Variants in STXBP5L observed in about 807,000 individuals in gnomAD.
The protein encoded by STXBP5L is syntaxin binding protein 5L.
A neutral mutation model predicts 144.5 loss-of-function variants in STXBP5L; 65 were observed. That is an observed-to-expected ratio of 0.45 (90% CI 0.37 to 0.55). STXBP5L has a LOEUF of 0.55. Ranked by LOEUF, STXBP5L falls within the 20% of genes least tolerant of loss-of-function variation. The probability of loss-of-function intolerance (pLI) is 0.00; values close to 1 mark genes in which losing one functional copy is unlikely to be tolerated. For synonymous variants in STXBP5L, 505 were observed against 469.6 expected, an observed-to-expected ratio of 1.08 and a Z score of -0.97; for missense variants, 1,298 against 1,405.5, an observed-to-expected ratio of 0.92 and a Z score of 1.22.
In STXBP5L at chr3:121,407,485, T is replaced by C. The variant is rs2047019504; in HGVS notation, c.2830T>C (p.Cys944Arg). The change falls in exon 23 of 27, where the codon TGC (cysteine) becomes CGC (arginine). Residue 944 changes from cysteine (C) to arginine (R), a missense_variant. Physicochemically the swap from Cys to Arg is radical, Grantham distance 180 (BLOSUM62 -3). Coordinates refer to ENST00000471454, the MANE Select transcript of STXBP5L (RefSeq NM_001308330.2). ...AKVFSLPSQT[C>R]LYVHNITETS... ...AGTCTTCTCACTGCCTTCTCAGACTTGCCTTTATGTTCATAACATCACGGA... is the reference window on the plus strand; with the variant it reads ...AGTCTTCTCACTGCCTTCTCAGACTCGCCTTTATGTTCATAACATCACGGA... The C allele has an allele frequency of 2.5e-6, 4 of 1,613,392 alleles. No individual in the cohort carries two copies. The highest frequency in any genetic ancestry group is 3.4e-6 in the Non-Finnish European group (4 of 1,179,532).
chr3:121,271,496 A>G (rs2050733032), intron 18 of STXBP5L, among the ~76,000 whole-genome samples: 1 of 152,216 alleles, frequency 6.6e-6, no homozygotes, highest in Non-Finnish European at 1.5e-5. Flanking sequence ...TCTGGGCACA[A>G]TAGATGCTCA....
At chr3:121,016,057 A>G (rs1945124161) in intron 3 of STXBP5L, among the ~76,000 whole-genome samples, 1 of 152,232 alleles carries the variant, frequency 6.6e-6, no homozygotes, top group African/African-American at 2.4e-5. Flanking sequence ...AAACGAAGAC[A>G]CTAGAGAAAT....
At chr3:121,343,105 G>A (rs1270660409) in intron 20 of STXBP5L, among the ~76,000 whole-genome samples, 1 of 152,166 alleles carries the variant, frequency 6.6e-6, no homozygotes, top group African/African-American at 2.4e-5. Context: ...CAGTGATGGT[G>A]AGCATTTTTT....
intron 9 of STXBP5L, among the ~76,000 whole-genome samples, chr3:121,201,598 TCA>T (rs551815961): frequency 6.6e-6 from 1 of 152,142 alleles, no homozygotes; most frequent in Non-Finnish European, 1.5e-5. Context: ...TGCAGTTTCT[TCA>T]CAGTGTCATT....
At chr3:121,372,297 A>T (rs1438553685) in intron 20 of STXBP5L, among the ~76,000 whole-genome samples, 8 of 152,148 alleles carry the variant, frequency 5.3e-5, no homozygotes, top group Admixed American at 2.6e-4. Context: ...ACCACCCTAT[A>T]GAGTTCAGGC....
chr3:121,178,938 A>C (rs2047036318), intron 9 of STXBP5L, among the ~76,000 whole-genome samples: 1 of 152,154 alleles, frequency 6.6e-6, no homozygotes, highest in Non-Finnish European at 1.5e-5. Context: ...TATAGTGGGA[A>C]TAAACCCCCT....
intron 22 of STXBP5L, among the ~76,000 whole-genome samples, chr3:121,383,232 T>G (rs2108685776): frequency 1.3e-5 from 2 of 150,892 alleles, no homozygotes; most frequent in African/African-American, 4.9e-5. Flanking sequence ...AGCCCAGGAG[T>G]TCAAGACCAG....
At chr3:121,014,995 C>G in intron 3 of STXBP5L, among the ~76,000 whole-genome samples, 1 of 151,936 alleles carries the variant, frequency 6.6e-6, no homozygotes, top group East Asian at 1.9e-4. Flanking sequence ...TTATAAAACA[C>G]AGCAGATAGA....
chr3:121,279,700 C>A, intron 18 of STXBP5L, 105 bp from the exon 19 acceptor site: 1 of 1,399,020 alleles, frequency 7.1e-7, no homozygotes, highest in Non-Finnish European at 9.8e-7. Context: ...GCCCAACTTC[C>A]CCAACCCTAA....
chr3:121,091,735 C>T (rs1250864570), intron 5 of STXBP5L, among the ~76,000 whole-genome samples: 28 of 152,170 alleles, frequency 1.8e-4, no homozygotes, highest in African/African-American at 6.3e-4. Context: ...TGCCTGTTCA[C>T]TCTGATGGTA....
At chr3:121,313,103 C>T (rs2043605883) in intron 19 of STXBP5L, among the ~76,000 whole-genome samples, 1 of 141,834 alleles carries the variant, frequency 7.1e-6, no homozygotes, top group South Asian at 2.3e-4. Flanking sequence ...ACCCCCCCAC[C>T]ACCCTCCCAG....
chr3:121,167,033 G>T (rs2046527514), intron 9 of STXBP5L, among the ~76,000 whole-genome samples: 1 of 152,084 alleles, frequency 6.6e-6, no homozygotes, highest in Non-Finnish European at 1.5e-5. Context: ...ACTAGAATTA[G>T]CAGTCTTTTG....
intron 5 of STXBP5L, among the ~76,000 whole-genome samples, chr3:121,089,260 C>T (rs1002739688): frequency 6.6e-6 from 1 of 151,534 alleles, no homozygotes; most frequent in Non-Finnish European, 1.5e-5. Context: ...GTTTAGAAAA[C>T]TCCATAAAGC....
At chr3:121,199,188 G>A (rs2048039338) in intron 9 of STXBP5L, among the ~76,000 whole-genome samples, 1 of 152,032 alleles carries the variant, frequency 6.6e-6, no homozygotes, top group South Asian at 2.1e-4. Flanking sequence ...CCTTGAAGAG[G>A]TCCTTTACGT....
intron 3 of STXBP5L, among the ~76,000 whole-genome samples, chr3:120,976,740 T>C (rs1479329773): frequency 6.6e-6 from 1 of 152,228 alleles, no homozygotes; most frequent in Non-Finnish European, 1.5e-5. Context: ...TTCTGGTATG[T>C]TGTGTCTTTG....
chr3:121,313,782 C>T (rs1268666753), intron 19 of STXBP5L, among the ~76,000 whole-genome samples: 64 of 141,646 alleles, frequency 4.5e-4, no homozygotes, highest in East Asian at 2.3e-3. Flanking sequence ...CGGGCGGAGA[C>T]GCTCCTCACT....
chr3:121,177,480 A>G (rs911821456), intron 9 of STXBP5L, among the ~76,000 whole-genome samples: 1 of 152,204 alleles, frequency 6.6e-6, no homozygotes, highest in Non-Finnish European at 1.5e-5. Context: ...CAAAGAAGAT[A>G]TGCCAGTTAG....
intron 3 of STXBP5L, among the ~76,000 whole-genome samples, chr3:120,980,836 G>T (rs903000116): frequency 1.3e-5 from 2 of 151,996 alleles, no homozygotes; most frequent in African/African-American, 4.8e-5. Flanking sequence ...TTTTATGATG[G>T]CATTGCCCAT....
intron 7 of STXBP5L, among the ~76,000 whole-genome samples, chr3:121,131,560 T>A (rs2044989249): frequency 6.6e-6 from 1 of 152,114 alleles, no homozygotes; most frequent in Non-Finnish European, 1.5e-5. Context: ...GATTGTGTAG[T>A]CTGGAAAGCC....
Sources: gnomAD v4.1 joint callset for allele counts (sites outside exome capture counted in the v4.1 genomes callset) on GRCh38, gnomAD v4.1.1 for gene constraint, MANE v1.5 for transcripts, NCBI Gene and HGNC (gene_info 2026-07-23, HGNC 2026-07-21) for gene names.